Variants in MTMR9 observed in about 807,000 individuals in gnomAD.
MTMR9 encodes myotubularin-related protein 9.
In MTMR9, 39 loss-of-function variants were observed where a neutral mutation model predicts 69.5. The ratio of observed to expected loss-of-function variants is 0.56; its 90% CI spans 0.43 to 0.73. The LOEUF (loss-of-function observed/expected upper bound fraction) is 0.73, where lower values mean the gene tolerates loss of function less well. Among genes scored for constraint, MTMR9 ranks in the 30% least tolerant of loss-of-function variants. The probability of loss-of-function intolerance (pLI) is 0.00; values close to 1 mark genes in which losing one functional copy is unlikely to be tolerated. For missense variants in MTMR9, 900 were observed against 671.2 expected (o/e 1.34, Z -3.77); for synonymous variants, 354 against 240.8 (o/e 1.47, Z -4.35).
intron 3 of MTMR9, among the ~76,000 whole-genome samples, chr8:11,302,744 A>G (rs1794865463): frequency 6.6e-6 from 1 of 152,156 alleles, no homozygotes; most frequent in Non-Finnish European, 1.5e-5. Context: ...TAGGGATTGA[A>G]ATGAAGGTAG....
intron 2 of MTMR9, among the ~76,000 whole-genome samples, chr8:11,295,836 A>G (rs1203037392): frequency 6.6e-6 from 1 of 152,180 alleles, no homozygotes; most frequent in Non-Finnish European, 1.5e-5. Flanking sequence ...TTTTAGTCAC[A>G]TTACAGTGAG....
At chr8:11,300,189 C>G in intron 3 of MTMR9, 41 bp downstream of exon 3, 2 of 1,601,808 alleles carry the variant, frequency 1.2e-6, no homozygotes, top group African/African-American at 1.3e-5. Flanking sequence ...GAGAAGTAAC[C>G]CAATACCTTA....
intron 6 of MTMR9, among the ~76,000 whole-genome samples, chr8:11,313,685 G>A (rs1800295355): frequency 6.6e-6 from 1 of 152,168 alleles, no homozygotes; most frequent in Non-Finnish European, 1.5e-5. Context: ...AGGAACAGCT[G>A]GTTAGTGGAG....
rs940261868 is a variant in MTMR9, at chr8:11,296,624, A to G, written c.291+1322A>G. Among the ~76,000 whole-genome samples the G allele has an allele frequency of 3.9e-5, 6 of 152,212 alleles. No homozygotes were observed. In the East Asian group the frequency reaches 7.7e-4, roughly 20 times the overall value. ...ACTTTAGGTATCTCATATAAGTAGAATCATAGTACATAGTATTTGTCTTTT... is the reference window on the plus strand; with the variant it reads ...ACTTTAGGTATCTCATATAAGTAGAGTCATAGTACATAGTATTTGTCTTTT... On this transcript the variant is annotated intron_variant, in intron 2 of 9. Coordinates refer to ENST00000221086, the MANE Select transcript of MTMR9 (RefSeq NM_015458.4).
intron 5 of MTMR9, among the ~76,000 whole-genome samples, chr8:11,307,904 T>C (rs1377175371): frequency 6.6e-6 from 1 of 152,224 alleles, no homozygotes; most frequent in Admixed American, 6.5e-5. Context: ...GTTTTGTGTT[T>C]TCTTGCTGTT....
chr8:11,287,659 A>T (rs1001732811), intron 1 of MTMR9, among the ~76,000 whole-genome samples: 1 of 142,092 alleles, frequency 7.0e-6, no homozygotes, highest in Non-Finnish European at 1.5e-5. Context: ...AAATAAATAT[A>T]TATATTTATT....
chr8:11,296,738 T>C (rs1799575674), intron 2 of MTMR9, among the ~76,000 whole-genome samples: 1 of 152,224 alleles, frequency 6.6e-6, no homozygotes, highest in South Asian at 2.1e-4. Flanking sequence ...AATATTCCAT[T>C]GTTATGGATG....
chr8:11,331,921 A>C (rs1224542180), downstream of MTMR9: 20 of 1,612,006 alleles, frequency 1.2e-5, no homozygotes, highest in Non-Finnish European at 1.7e-5. Context: ...TGTGTGGGCT[A>C]TGCGGTCACC....
rs747824920 is a variant in MTMR9, at chr8:11,309,670, C to T, written c.953C>T (p.Ala318Val). The change falls in exon 6 of 10, where the codon GCG (alanine) becomes GTG (valine). Residue 318 changes from alanine to valine, a missense_variant. Physicochemically the swap from Ala to Val is moderately conservative, Grantham distance 64. Transcript: ENST00000221086. ...GAGATTCTGACAACTGCCTGCCTAG[C>T]GGCTCAGTGCATCGACAGGTAAAGT... is the stretch of plus-strand genomic sequence containing the variant. ...IKEILTTACL[A>V]AQCIDREGAS... 5.6e-6 allele frequency: 9 copies of T among 1,613,670 alleles called. No homozygotes were observed. The highest frequency in any genetic ancestry group is 2.2e-5 in the East Asian group (1 of 44,892).
At chr8:11,311,072 A>C (rs534632711) in intron 6 of MTMR9, among the ~76,000 whole-genome samples, 1 of 152,330 alleles carries the variant, frequency 6.6e-6, no homozygotes, top group African/African-American at 2.4e-5. Flanking sequence ...GAAAACATGA[A>C]AATAGAGTTT....
chr8:11,326,969 C>CAAAAA lies in MTMR9; in HGVS notation c.*4196_*4200dup, dbSNP rs34820607. On this transcript the variant is annotated 3_prime_UTR_variant, in exon 10 of 10. Coordinates refer to ENST00000221086, the MANE Select transcript of MTMR9 (RefSeq NM_015458.4). ...TGGGCGAAAGGGCAAGACTCCATCT[C>CAAAAA]AAAAAAAAAAAAAAAAAAAGACTCA... The CAAAAA allele has an allele frequency of 9.8e-6, 1 of 101,914 alleles. No individual in the cohort carries two copies. The allele number at this position is 101,914 out of a possible 1,614,324, so 6.3% of individuals were successfully genotyped here. A position where few individuals can be genotyped will look rare whatever the true frequency, so the allele number is the denominator to read the frequency against.
downstream of MTMR9, among the ~76,000 whole-genome samples, chr8:11,333,113 C>A (rs1171493044): frequency 1.3e-5 from 2 of 152,154 alleles, no homozygotes; most frequent in African/African-American, 4.8e-5. Flanking sequence ...CTGAAAACAT[C>A]CCAGATTTGA....
At chr8:11,338,410 C>T in the MTMR9 span, among the ~76,000 whole-genome samples, 3 of 152,104 alleles carry the variant, frequency 2.0e-5, no homozygotes, top group Admixed American at 6.5e-5. Flanking sequence ...GGCTGGAGTT[C>T]GTTGTAGGGG....
At chr8:11,315,837 C>T (rs1308749605) in intron 7 of MTMR9, 1 of 152,204 alleles carries the variant, frequency 6.6e-6, no homozygotes, top group African/African-American at 2.4e-5. Flanking sequence ...GCATAGTAGA[C>T]AAACAAATGA....
rs150008367 is a variant in MTMR9 at position 11,311,293 on chromosome 8, C to T, written c.971+1605C>T. ...TCAACAGAAGACAAAAAGCTAAGTACATCATCTACAATGTAACAAAAATTG... is the reference window on the plus strand; with the variant it reads ...TCAACAGAAGACAAAAAGCTAAGTATATCATCTACAATGTAACAAAAATTG... On this transcript the variant is annotated intron_variant, in intron 6 of 9. Transcript: ENST00000221086. 2.6e-3 allele frequency among the ~76,000 whole-genome samples: 401 copies of T among 152,268 alleles called. 5 individuals are homozygous for T. The highest frequency in any genetic ancestry group is 7.1e-3 in the East Asian group (37 of 5,186).
intron 1 of MTMR9, among the ~76,000 whole-genome samples, chr8:11,294,556 C>T (rs1338335609): frequency 7.4e-6 from 1 of 134,870 alleles, no homozygotes; most frequent in East Asian, 2.2e-4. Flanking sequence ...GGCTGGAGTG[C>T]AGTGGCTCAG....
At chr8:11,315,085 C>T (rs1299472377) in intron 7 of MTMR9, 21 bp downstream of exon 7, 9 of 1,606,234 alleles carry the variant, frequency 5.6e-6, no homozygotes, top group South Asian at 5.5e-5. Flanking sequence ...CTGTTTGATT[C>T]ACAGAGGAAC....
At chr8:11,319,298 T>C (rs916497653) in intron 8 of MTMR9, 1 of 158,594 alleles carries the variant, frequency 6.3e-6, no homozygotes, top group Non-Finnish European at 1.4e-5. Context: ...ATTATAGGCT[T>C]CTCAGAAACA....
chr8:11,331,303 A>C (rs778385439), downstream of MTMR9: 2 of 1,613,782 alleles, frequency 1.2e-6, no homozygotes, highest in African/African-American at 2.7e-5. Context: ...CAGGGTTCCA[A>C]CCTGCCCTCG....
Sources: allele counts gnomAD v4.1 joint callset (sites outside exome capture counted in the v4.1 genomes callset), GRCh38; gene constraint gnomAD v4.1.1; transcripts MANE v1.5; gene names NCBI Gene and HGNC (gene_info 2026-07-23, HGNC 2026-07-21).